PTPRT: variants seen among roughly 807,000 people sequenced by gnomAD.
PTPRT encodes protein tyrosine phosphatase receptor type T, also known as receptor-type tyrosine-protein phosphatase T.
In PTPRT, 56 loss-of-function variants were observed where a neutral mutation model predicts 176.8. The ratio of observed to expected loss-of-function variants is 0.32; its 90% CI spans 0.26 to 0.40. The LOEUF (loss-of-function observed/expected upper bound fraction) is 0.40. Ranked by LOEUF, PTPRT falls within the 10% of genes least tolerant of loss-of-function variation. PTPRT has a pLI of 1.00. For missense variants in PTPRT, 1,540 were observed against 1,908.2 expected (o/e 0.81, Z 3.60); for synonymous variants, 783 against 739.0 (o/e 1.06, Z -0.96).
chr20:42,624,184 C>T (rs977957041), intron 7 of PTPRT, among the ~76,000 whole-genome samples: 17 of 152,050 alleles, frequency 1.1e-4, no homozygotes, highest in African/African-American at 4.1e-4. Context: ...GCACAGGGGC[C>T]AAAGGGAAAC....
At chr20:42,929,496 G>T (rs1979699859) in intron 1 of PTPRT, among the ~76,000 whole-genome samples, 2 of 152,150 alleles carry the variant, frequency 1.3e-5, no homozygotes, top group Non-Finnish European at 2.9e-5. Flanking sequence ...TTATGGATGG[G>T]TTTTATTTTT....
At chr20:42,709,892 G>T (rs1170398544) in intron 6 of PTPRT, among the ~76,000 whole-genome samples, 2 of 152,148 alleles carry the variant, frequency 1.3e-5, no homozygotes, top group Admixed American at 6.5e-5. Flanking sequence ...CTAGAATAAA[G>T]GTCACTCATG....
intron 7 of PTPRT, among the ~76,000 whole-genome samples, chr20:42,672,163 A>AG: frequency 1.3e-5 from 2 of 152,356 alleles, no homozygotes; most frequent in South Asian, 4.1e-4. Flanking sequence ...GCCAAAGAAG[A>AG]TTAACATTTG....
At chr20:42,921,054 AT>A (rs2145953153) in intron 1 of PTPRT, among the ~76,000 whole-genome samples, 1 of 152,314 alleles carries the variant, frequency 6.6e-6, no homozygotes, top group Admixed American at 6.5e-5. Context: ...TCATGATGAA[AT>A]GTTAAGTGAG....
intron 7 of PTPRT, among the ~76,000 whole-genome samples, chr20:42,569,112 A>ATATATATATATAT (rs1344948586): frequency 1.8e-4 from 21 of 113,994 alleles, no homozygotes; most frequent in South Asian, 3.3e-4. Flanking sequence ...ATATATATAT[A>ATATATATATATAT]ATTTCAACTT....
At chr20:42,110,567 T>C (rs2146293557) in intron 22 of PTPRT, 80 bp from the exon 23 acceptor site, 1 of 1,454,510 alleles carries the variant, frequency 6.9e-7, no homozygotes, top group Non-Finnish European at 9.2e-7. Flanking sequence ...CCATAGCTGC[T>C]GCACTGAGGA....
At chr20:43,160,765 G>C (rs932281387) in intron 1 of PTPRT, among the ~76,000 whole-genome samples, 1 of 152,116 alleles carries the variant, frequency 6.6e-6, no homozygotes, top group African/African-American at 2.4e-5. Context: ...TAACATTGAG[G>C]TGAAATGAGG....
At chr20:43,158,539 A>C (rs927541898) in intron 1 of PTPRT, among the ~76,000 whole-genome samples, 1 of 152,210 alleles carries the variant, frequency 6.6e-6, no homozygotes, top group Non-Finnish European at 1.5e-5. Flanking sequence ...ATTATATGGT[A>C]GTTGCCTATC....
chr20:42,340,437 C>G (rs6102786), intron 11 of PTPRT, among the ~76,000 whole-genome samples: 5,286 of 152,214 alleles, frequency 0.035, 167 homozygotes, highest in African/African-American at 0.083. Context: ...GAGAGAGTAA[C>G]CACACATTTT....
At position 42,920,982 on chromosome 20, in the gene PTPRT, T is replaced by A. The variant is rs77404873; in HGVS notation, c.89-35050A>T. 3.7e-3 allele frequency among the ~76,000 whole-genome samples: 556 copies of A among 152,294 alleles called. 5 individuals carry two copies. Among genetic ancestry groups the A allele is most frequent in the African/African-American group, 0.013 (526 of 41,552 alleles). On this transcript the variant is annotated intron_variant, in intron 1 of 30. Coordinates refer to ENST00000373187, the MANE Select transcript of PTPRT (RefSeq NM_007050.6). ...TATGGAGGTTGGGAACAGGTCCTAA[T>A]GAGATCATGCAAATTTTAACTACTG...
intron 7 of PTPRT, among the ~76,000 whole-genome samples, chr20:42,536,799 G>C (rs2072484940): frequency 6.6e-6 from 1 of 152,146 alleles, no homozygotes. Flanking sequence ...AGAGGAAATA[G>C]ACACTCTTCT....
At chr20:42,346,365 A>G (rs753324737) in intron 11 of PTPRT, among the ~76,000 whole-genome samples, 1 of 152,228 alleles carries the variant, frequency 6.6e-6, no homozygotes, top group Non-Finnish European at 1.5e-5. Context: ...GATCAGTCAC[A>G]CATCAGTGTG....
Position 42,358,262 on chromosome 20 carries a change from T to C in PTPRT, c.1561-5977A>G, listed in dbSNP as rs751542699. Among the ~76,000 whole-genome samples, 116 of 152,144 alleles carry C rather than the reference T, an allele frequency of 7.6e-4. 1 individual carries two copies. The highest frequency in any genetic ancestry group is 4.6e-4 in the Admixed American group (7 of 15,290). On this transcript the variant is annotated intron_variant, in intron 9 of 30. Coordinates refer to ENST00000373187, the MANE Select transcript of PTPRT (RefSeq NM_007050.6). ...CTCTGTAAACTTATTTCAAAATCAATTGTTTAAAAGACAACAAATGGCATG... is the reference window on the plus strand; with the variant it reads ...CTCTGTAAACTTATTTCAAAATCAACTGTTTAAAAGACAACAAATGGCATG...
intron 11 of PTPRT, among the ~76,000 whole-genome samples, chr20:42,320,181 G>A (rs559218491): frequency 1.3e-5 from 2 of 152,292 alleles, no homozygotes; most frequent in East Asian, 1.9e-4. Flanking sequence ...GTCAAGGAGA[G>A]TTTGTACTCT....
chr20:42,125,934 C>T (rs910076176), intron 19 of PTPRT, among the ~76,000 whole-genome samples: 7 of 147,164 alleles, frequency 4.8e-5, no homozygotes, highest in South Asian at 2.1e-4. Flanking sequence ...TAGACAAGGT[C>T]GAGGAGAAAT....
chr20:42,226,711 C>T (rs933685466), intron 15 of PTPRT, among the ~76,000 whole-genome samples: 1 of 152,084 alleles, frequency 6.6e-6, no homozygotes, highest in Non-Finnish European at 1.5e-5. Context: ...CCCAATCCTG[C>T]CTTGGAGACA....
chr20:42,706,423 G>T (rs1474965964), intron 6 of PTPRT, among the ~76,000 whole-genome samples: 5 of 150,786 alleles, frequency 3.3e-5, no homozygotes, highest in Non-Finnish European at 5.9e-5. Flanking sequence ...TTTTTTTGCT[G>T]GGCCTTGATT....
the PTPRT span, among the ~76,000 whole-genome samples, chr20:42,065,139 G>A: frequency 0.13 from 20,200 of 152,208 alleles, 3,715 homozygotes; most frequent in African/African-American, 0.42. Flanking sequence ...CCTGACATCT[G>A]TAACCACATG....
In PTPRT at chr20:42,076,825, A is replaced by G. The variant is rs898320023; in HGVS notation, c.*4054T>C. 9.9e-6 allele frequency: 2 copies of G among 202,080 alleles called. No homozygotes were observed. The highest frequency in any genetic ancestry group is 2.3e-5 in the African/African-American group (1 of 43,612). The allele number at this position is 202,080 out of a possible 1,614,324, so 12.5% of individuals were successfully genotyped here. A position where few individuals can be genotyped will look rare whatever the true frequency, so the allele number is the denominator to read the frequency against. ...AAATTTTGCATGAATTGTGAACGTA[A>G]AACATGAGACTATGAAGGAATTTTA... On this transcript the variant is annotated 3_prime_UTR_variant, in exon 31 of 31. Coordinates refer to ENST00000373187, the MANE Select transcript of PTPRT (RefSeq NM_007050.6).
Sources: allele counts gnomAD v4.1 joint callset (sites outside exome capture counted in the v4.1 genomes callset), GRCh38; gene constraint gnomAD v4.1.1; transcripts MANE v1.5; gene names NCBI Gene and HGNC (gene_info 2026-07-23, HGNC 2026-07-21).